PECAM1: variants seen among roughly 807,000 people sequenced by gnomAD.
PECAM1 encodes the protein platelet endothelial cell adhesion molecule.
A neutral mutation model predicts 13.8 loss-of-function variants in PECAM1; 8 were observed. The observed-to-expected ratio is 0.58, with a 90% CI of 0.34 to 1.05. The LOEUF (loss-of-function observed/expected upper bound fraction) is 1.05. Ranked by LOEUF, PECAM1 falls within the 50% of genes least tolerant of loss-of-function variation. PECAM1 has a pLI of 0.03. For synonymous variants in PECAM1, 136 were observed against 52.6 expected, an observed-to-expected ratio of 2.58 and a Z score of -6.86; for missense variants, 304 against 141.2, an observed-to-expected ratio of 2.15 and a Z score of -5.84.
At chr17:64,361,276 G>C (rs1300946688) in intron 6 of PECAM1, among the ~76,000 whole-genome samples, 1 of 151,900 alleles carries the variant, frequency 6.6e-6, no homozygotes, top group Non-Finnish European at 1.5e-5. Flanking sequence ...CTCCCGAGTA[G>C]CTGGGATTAC....
At chr17:64,370,809 T>C (rs1229978222) in intron 4 of PECAM1, among the ~76,000 whole-genome samples, 9 of 152,198 alleles carry the variant, frequency 5.9e-5, no homozygotes, top group Non-Finnish European at 1.5e-5. Flanking sequence ...GCCCAGGGCA[T>C]AAACTGGAAT....
At chr17:64,342,422 G>A (rs1452642582) in intron 13 of PECAM1, among the ~76,000 whole-genome samples, 1 of 152,134 alleles carries the variant, frequency 6.6e-6, no homozygotes, top group Non-Finnish European at 1.5e-5. Flanking sequence ...AATCACCTGA[G>A]AGCCCAGACC....
At chr17:64,328,826 T>C (rs2035026877) in intron 15 of PECAM1, among the ~76,000 whole-genome samples, 1 of 152,150 alleles carries the variant, frequency 6.6e-6, no homozygotes, top group Non-Finnish European at 1.5e-5. Flanking sequence ...CCTGCATTGC[T>C]GGGTAGCTCA....
At chr17:64,349,105 CAG>C (rs2035652385) in intron 12 of PECAM1, among the ~76,000 whole-genome samples, 1 of 152,168 alleles carries the variant, frequency 6.6e-6, no homozygotes, top group Non-Finnish European at 1.5e-5. Context: ...AAATGGGGAA[CAG>C]GGGTCACTAC....
intron 2 of PECAM1, among the ~76,000 whole-genome samples, chr17:64,380,301 C>T (rs1456847030): frequency 2.6e-5 from 4 of 151,992 alleles, no homozygotes; most frequent in Non-Finnish European, 5.9e-5. Context: ...GCACTCCAGC[C>T]TGGGCAACAA....
rs890495728 is a variant in PECAM1 at position 64,345,770 on chromosome 17, C to A, written c.2107+2490G>T. ...GCTTCAGGCCTGCCGCGTTCCCCAC[C>A]CCTCTCAGGTCCAGTCTAGACTTGG... On this transcript the variant is annotated intron_variant, in intron 13 of 15. Coordinates refer to ENST00000563924, the MANE Select transcript of PECAM1 (RefSeq NM_000442.5). Among the ~76,000 whole-genome samples the A allele has an allele frequency of 4.8e-4, 73 of 151,738 alleles. 1 individual carries two copies. The highest frequency in any genetic ancestry group is 8.2e-4 in the Non-Finnish European group (56 of 67,914).
chr17:64,321,626 C>T lies in PECAM1; in HGVS notation c.*2190G>A. 3 of 462,336 alleles carry T rather than the reference C, an allele frequency of 6.5e-6. No individual in the cohort carries two copies. Among genetic ancestry groups the T allele is most frequent in the South Asian group, 3.9e-5 (1 of 25,676 alleles). The allele number at this position is 462,336 out of a possible 1,614,324, so 28.6% of individuals were successfully genotyped here. ...AAAATTAAAAATTAGCCAGCTATGG[C>T]GGCTCACGCCTCTGGTCCCAGCTAC... On this transcript the variant is annotated 3_prime_UTR_variant, in exon 16 of 16. Transcript: ENST00000563924.
At chr17:64,385,068 G>A (rs1033023250) in intron 2 of PECAM1, among the ~76,000 whole-genome samples, 2 of 152,182 alleles carry the variant, frequency 1.3e-5, no homozygotes, top group African/African-American at 4.8e-5. Flanking sequence ...CTCCAATTGT[G>A]TGCAAATGTG....
intron 14 of PECAM1, among the ~76,000 whole-genome samples, chr17:64,331,989 G>A (rs1256589637): frequency 2.0e-5 from 3 of 152,226 alleles, no homozygotes; most frequent in Non-Finnish European, 4.4e-5. Context: ...GTTCCTCCTG[G>A]ACCTCGGGCA....
At chr17:64,366,062 G>T (rs1179530643) in intron 5 of PECAM1, among the ~76,000 whole-genome samples, 4 of 150,660 alleles carry the variant, frequency 2.7e-5, no homozygotes, top group South Asian at 2.1e-4. Flanking sequence ...GAAAATTTTT[G>T]CAACCTACTC....
chr17:64,371,391 G>A (rs1437089906), intron 4 of PECAM1, among the ~76,000 whole-genome samples: 4 of 152,190 alleles, frequency 2.6e-5, no homozygotes, highest in African/African-American at 9.6e-5. Context: ...TAAAGGCTCA[G>A]CTAGGGGCGG....
At chr17:64,379,376 A>G (rs2036432766) in intron 2 of PECAM1, among the ~76,000 whole-genome samples, 1 of 152,174 alleles carries the variant, frequency 6.6e-6, no homozygotes, top group African/African-American at 2.4e-5. Context: ...GGTGCTCTCT[A>G]GCTATTGCTG....
At chr17:64,368,972 T>C (rs1413402474) in intron 5 of PECAM1, among the ~76,000 whole-genome samples, 1 of 111,098 alleles carries the variant, frequency 9.0e-6, no homozygotes, top group Non-Finnish European at 1.7e-5. Flanking sequence ...AGTCTCACTC[T>C]GTGGCCCAGG....
chr17:64,372,469 T>C (rs2036262645), intron 4 of PECAM1, among the ~76,000 whole-genome samples: 1 of 152,076 alleles, frequency 6.6e-6, no homozygotes, highest in African/African-American at 2.4e-5. Context: ...CAGTTTGTCA[T>C]TTGTCTTTTT....
At chr17:64,335,126 C>A (rs2035241900) in intron 14 of PECAM1, among the ~76,000 whole-genome samples, 1 of 150,528 alleles carries the variant, frequency 6.6e-6, no homozygotes, top group African/African-American at 2.5e-5. Flanking sequence ...GTGGGGTGCG[C>A]CAAACTATTG....
At chr17:64,387,903 C>G (rs1180259534) in intron 2 of PECAM1, among the ~76,000 whole-genome samples, 2 of 152,200 alleles carry the variant, frequency 1.3e-5, no homozygotes, top group Non-Finnish European at 2.9e-5. Flanking sequence ...TCAGAGCAAG[C>G]CTGCAGGCCA....
chr17:64,321,842 C>T lies in PECAM1; in HGVS notation c.*1974G>A, dbSNP rs150894680. On this transcript the variant is annotated 3_prime_UTR_variant, in exon 16 of 16. Transcript: ENST00000563924. ...GTAGGAATAGGGTCTTTGCAGCTCCCGTGGCAATTGCCCTTCTCTGGTGGT... is the reference window on the plus strand; with the variant it reads ...GTAGGAATAGGGTCTTTGCAGCTCCTGTGGCAATTGCCCTTCTCTGGTGGT... 35,449 of 1,349,162 alleles carry T rather than the reference C, an allele frequency of 0.026. 567 individuals are homozygous for T. The highest frequency in any genetic ancestry group is 0.029 in the Non-Finnish European group (29,911 of 1,019,464). The allele number at this position is 1,349,162 out of a possible 1,614,324, so 83.6% of individuals were successfully genotyped here.
At chr17:64,389,921 G>A (rs953999872) in intron 2 of PECAM1, among the ~76,000 whole-genome samples, 4 of 151,846 alleles carry the variant, frequency 2.6e-5, no homozygotes, top group South Asian at 4.2e-4. Flanking sequence ...GGTGGCATGC[G>A]CCTCTAATTC....
At chr17:64,375,500 C>T (rs1276489053) in intron 3 of PECAM1, 144 bp from the exon 4 acceptor site, 1 of 397,554 alleles carries the variant, frequency 2.5e-6, no homozygotes, top group Non-Finnish European at 4.4e-6. Context: ...TCTCTGAACA[C>T]CCAGTGCGAC....
Sources: gnomAD v4.1 joint callset for allele counts (sites outside exome capture counted in the v4.1 genomes callset) on GRCh38, gnomAD v4.1.1 for gene constraint, MANE v1.5 for transcripts, NCBI Gene and HGNC (gene_info 2026-07-23, HGNC 2026-07-21) for gene names.